The following OVCH1 variants were observed in gnomAD, a reference collection of about 807,000 sequenced individuals.
OVCH1 encodes ovochymase 1.
In OVCH1, 139 loss-of-function variants were observed where a neutral mutation model predicts 138.4. That is an observed-to-expected ratio of 1.00 (90% CI 0.87 to 1.16). The LOEUF is 1.16. Among genes scored for constraint, OVCH1 ranks in the 50% most tolerant of loss-of-function variants. OVCH1 has a pLI of 0.00. For missense variants in OVCH1, 1,367 were observed against 1,357.9 expected, an observed-to-expected ratio of 1.01 and a Z score of -0.11; for synonymous variants, 453 against 467.8, an observed-to-expected ratio of 0.97 and a Z score of 0.41.
rs1034982637 is a variant in OVCH1 at position 29,448,322 on chromosome 12, C to T, written c.2756-2919G>A. Among the ~76,000 whole-genome samples, 5 of 151,302 alleles carry T rather than the reference C, an allele frequency of 3.3e-5. No individual in the cohort carries two copies. In the East Asian group the frequency reaches 5.8e-4, roughly 18 times the overall value. On this transcript the variant is annotated intron_variant, in intron 22 of 27. Coordinates refer to ENST00000318184, the Ensembl canonical transcript of OVCH1. ...CATGAGTTGGTAGTGGTCTGCGGCC[C>T]GGGGGTTGGGGACCCATGTGTTAGA...
intron 25 of OVCH1, among the ~76,000 whole-genome samples, chr12:29,442,955 T>C (rs567797575): frequency 6.6e-6 from 1 of 152,126 alleles, no homozygotes; most frequent in African/African-American, 2.4e-5. Flanking sequence ...AAGAAAATAA[T>C]GAGTTTAAAT....
downstream of OVCH1, among the ~76,000 whole-genome samples, chr12:29,425,227 G>T (rs10219541): frequency 6.6e-6 from 1 of 152,008 alleles, no homozygotes; most frequent in African/African-American, 2.4e-5. Context: ...AAATGATTCT[G>T]TCTTTGGTTC....
chr12:29,430,946 A>G (rs1323097726), intron 27 of OVCH1: 2 of 515,596 alleles, frequency 3.9e-6, no homozygotes, highest in Admixed American at 3.9e-5. Context: ...TCCAGGCAGA[A>G]ACGGTTTGCT....
exon 24 of OVCH1, chr12:29,444,247 T>A (rs1175901270): frequency 6.2e-7 from 1 of 1,612,358 alleles, no homozygotes; most frequent in Non-Finnish European, 8.5e-7. Context: ...GTTTGAACTT[T>A]GGGAAAGTCT....
At chr12:29,477,382 C>T (rs1040113016) in exon 11 of OVCH1, 1 of 1,614,006 alleles carries the variant, frequency 6.2e-7, no homozygotes, top group Non-Finnish European at 8.5e-7. Flanking sequence ...AAGCTCAAAG[C>T]CACTGCCACT....
chr12:29,420,492 T>TCA (rs1269697065), intron 3 of OVCH1, among the ~76,000 whole-genome samples: 4 of 14,714 alleles, frequency 2.7e-4, no homozygotes, highest in South Asian at 2.5e-3. Context: ...GCTTTTTTTT[T>TCA]TTTTTTTTTT....
At chr12:29,461,725 T>G (rs754768211) in intron 19 of OVCH1, 129 bp downstream of exon 19, 2 of 1,167,418 alleles carry the variant, frequency 1.7e-6, no homozygotes, top group South Asian at 2.6e-5. Context: ...CCCACTGGTC[T>G]TCATGCAGGG....
intron 22 of OVCH1, among the ~76,000 whole-genome samples, chr12:29,446,744 CT>C (rs973432711): frequency 6.6e-6 from 1 of 151,588 alleles, no homozygotes; most frequent in African/African-American, 2.4e-5. Flanking sequence ...AAGAAAAAGA[CT>C]TTTTTCTTTT....
chr12:29,451,577 T>C lies in OVCH1; in HGVS notation c.2531-8A>G. 1 of 1,601,402 alleles carries C rather than the reference T, an allele frequency of 6.2e-7. No homozygotes were observed. The highest frequency in any genetic ancestry group is 8.5e-7 in the Non-Finnish European group (1 of 1,172,430). On this transcript the variant is annotated splice_polypyrimidine_tract_variant and splice_region_variant and intron_variant, in intron 21 of 27. Transcript: ENST00000318184. ...CTGCTTCAGAGCAACAACCTGCAAT[T>C]CAGAACACACAGACACCAGGGACCA...
downstream of OVCH1, among the ~76,000 whole-genome samples, chr12:29,423,914 G>T (rs1941140899): frequency 6.6e-6 from 1 of 152,150 alleles, no homozygotes; most frequent in Non-Finnish European, 1.5e-5. Flanking sequence ...GGGGTTCTGG[G>T]TAGAACCAAC....
At chr12:29,494,849 AACGGATAC>A (rs1479901454) in intron 4 of OVCH1, among the ~76,000 whole-genome samples, 1 of 152,164 alleles carries the variant, frequency 6.6e-6, no homozygotes, top group Non-Finnish European at 1.5e-5. Context: ...GGGGTTGATT[AACGGATAC>A]AAATATACAC....
chr12:29,477,364 G>A, exon 11 of OVCH1: 3 of 1,613,968 alleles, frequency 1.9e-6, no homozygotes, highest in South Asian at 1.1e-5. Flanking sequence ...CTGTACAGCA[G>A]TAACGGTAAG....
chr12:29,427,820 T>C (rs893211069), intron 27 of OVCH1, among the ~76,000 whole-genome samples: 5 of 152,170 alleles, frequency 3.3e-5, no homozygotes, highest in Admixed American at 2.6e-4. Context: ...TGAAGTAAAA[T>C]TGTGCGAGCT....
chr12:29,470,626 C>T (rs529403941), intron 16 of OVCH1, among the ~76,000 whole-genome samples: 10 of 152,072 alleles, frequency 6.6e-5, no homozygotes, highest in Non-Finnish European at 1.5e-4. Flanking sequence ...CATTGATGGG[C>T]GTTTGAGTTG....
intron 8 of OVCH1, among the ~76,000 whole-genome samples, chr12:29,485,161 G>A (rs1358042488): frequency 2.0e-5 from 3 of 151,696 alleles, no homozygotes; most frequent in Non-Finnish European, 4.4e-5. Flanking sequence ...ACTTGAGGTC[G>A]GGAGTTTGAG....
intron 1 of OVCH1, 103 bp from the exon 2 acceptor site, chr12:29,496,777 T>C (rs1010438808): frequency 2.6e-6 from 2 of 779,582 alleles, no homozygotes; most frequent in African/African-American, 1.7e-5. Flanking sequence ...ACAGACATTC[T>C]GATAGCACTT....
intron 26 of OVCH1, among the ~76,000 whole-genome samples, chr12:29,436,839 T>C (rs1292921036): frequency 1.3e-5 from 2 of 152,220 alleles, no homozygotes; most frequent in Admixed American, 6.5e-5. Flanking sequence ...ATAGAGGTAG[T>C]GCGGACCCAA....
intron 27 of OVCH1, among the ~76,000 whole-genome samples, chr12:29,429,472 G>A (rs896897321): frequency 4.6e-5 from 7 of 152,190 alleles, no homozygotes; most frequent in Admixed American, 4.6e-4. Flanking sequence ...TGTAGGTCAT[G>A]TTTTACATGT....
chr12:29,444,380 T>G, intron 23 of OVCH1, 100 bp from the exon 24 acceptor site: 1 of 1,252,996 alleles, frequency 8.0e-7, no homozygotes, highest in Middle Eastern at 2.4e-4. Context: ...CTTCCCTAAT[T>G]GTCCTGGGAA....
Sources: allele counts gnomAD v4.1 joint callset (sites outside exome capture counted in the v4.1 genomes callset), GRCh38; gene constraint gnomAD v4.1.1; transcripts MANE v1.5; gene names NCBI Gene and HGNC (gene_info 2026-07-23, HGNC 2026-07-21).